SLC38A3: variants seen among roughly 807,000 people sequenced by gnomAD.
SLC38A3 encodes sodium-coupled neutral amino acid transporter 3.
In SLC38A3, 17 loss-of-function variants were observed where a neutral mutation model predicts 59.5. The ratio of observed to expected loss-of-function variants is 0.29; its 90% confidence interval spans 0.20 to 0.43. The LOEUF (loss-of-function observed/expected upper bound fraction) is 0.43. SLC38A3 is among the 20% of genes least tolerant of loss of function. The pLI, the probability that SLC38A3 is intolerant of heterozygous loss-of-function variation, is 1.00. For synonymous variants in SLC38A3, 238 were observed against 260.3 expected, an observed-to-expected ratio of 0.91 and a Z score of 0.82; for missense variants, 454 against 653.9, an observed-to-expected ratio of 0.69 and a Z score of 3.33.
rs754113580 is a variant in SLC38A3, at chr3:50,218,786, T to C, written c.1162-18T>C. On this transcript the variant is annotated intron_variant, in intron 13 of 15. Transcript: ENST00000614032. The surrounding 1 kb of genome is among the most constrained non-coding windows in gnomAD (Gnocchi z 5.8). ...GATGGGGCCAACAGGCTGATGATTC[T>C]TCTCACCTGCCCCCCAGGTGCGCCG... The C allele has an allele frequency of 1.2e-6, 2 of 1,601,128 alleles. No individual in the cohort carries two copies. Among genetic ancestry groups the C allele is most frequent in the East Asian group, 4.5e-5 (2 of 44,500 alleles).
rs868277434 is a variant in SLC38A3 at position 50,217,531 on chromosome 3, C to G, written c.690+58C>G. ...GGCAGCGGGTCTCCTGGGGGAGTTC[C>G]CTGTCATCAGGAGGGGGCAGGTGTC... On this transcript the variant is annotated intron_variant, in intron 9 of 15. Coordinates refer to ENST00000614032, the MANE Select transcript of SLC38A3 (RefSeq NM_006841.6). This position sits in a 1 kb window ranked among gnomAD's most constrained non-coding sequence, Gnocchi z 4.9. 6.3e-7 allele frequency: 1 copy of G among 1,591,322 alleles called. No homozygotes were observed. Among genetic ancestry groups the G allele is most frequent in the African/African-American group, 1.3e-5 (1 of 74,464 alleles).
At chr3:50,209,904 T>TGGC (rs1209365783) in intron 1 of SLC38A3, among the ~76,000 whole-genome samples, 1 of 152,170 alleles carries the variant, frequency 6.6e-6, no homozygotes, top group African/African-American at 2.4e-5. Flanking sequence ...AGCCCAGTGT[T>TGGC]GGCCACACAC....
Position 50,218,250 on chromosome 3 carries a change from ACC to A in SLC38A3, c.936-14_936-13del. 1 of 1,038,306 alleles carries A rather than the reference ACC, an allele frequency of 9.6e-7. No homozygotes were observed. The highest frequency in any genetic ancestry group is 1.5e-6 in the Non-Finnish European group (1 of 658,132). 64.3% of individuals were successfully genotyped at this position (1,038,306 alleles called of 1,614,324 possible). On this transcript the variant is annotated intron_variant, in intron 11 of 15. Transcript: ENST00000614032. The surrounding 1 kb of genome is among the most constrained non-coding windows in gnomAD (Gnocchi z 5.8). ...GTTACCCAGCTTGTCACCAACACCC[ACC>A]CCCCCACTTCCCCACAGCCCCTCCA...
rs1415613179 is a variant in SLC38A3 at position 50,220,969 on chromosome 3, A to T, written c.*792A>T. 1 of 152,460 alleles carries T rather than the reference A, an allele frequency of 6.6e-6. No individual in the cohort carries two copies. Among genetic ancestry groups the T allele is most frequent in the South Asian group, 2.1e-4 (1 of 4,834 alleles). The allele number at this position is 152,460 out of a possible 1,614,324, so 9.4% of individuals were successfully genotyped here. On this transcript the variant is annotated 3_prime_UTR_variant, in exon 16 of 16. Coordinates refer to ENST00000614032, the MANE Select transcript of SLC38A3 (RefSeq NM_006841.6). ...CAGCCCTCTTTTATAAATATTATAC[A>T]TAAGACCAGCTGTGTTTTCTATTCT...
intron 1 of SLC38A3, among the ~76,000 whole-genome samples, chr3:50,208,385 C>A (rs1220301627): frequency 1.3e-5 from 2 of 152,060 alleles, no homozygotes; most frequent in African/African-American, 4.8e-5. Context: ...GCCTCAGCCT[C>A]CCGAGTAGCT....
chr3:50,211,264 C>T (rs1699723134), intron 1 of SLC38A3, among the ~76,000 whole-genome samples: 1 of 152,218 alleles, frequency 6.6e-6, no homozygotes, highest in Admixed American at 6.5e-5. Flanking sequence ...CAGGGAATGG[C>T]TGGGGGCTCC....
At position 50,217,628 on chromosome 3, in the gene SLC38A3, G is replaced by T. The variant is rs771681483; in HGVS notation, c.691-48G>T. The T allele has an allele frequency of 5.0e-6, 8 of 1,607,068 alleles. No homozygotes were observed. The highest frequency in any genetic ancestry group is 1.7e-5 in the Admixed American group (1 of 58,866). ...ATGTGGCTTCATGGTGACTTCCCAG[G>T]CAGTCCAGCCTGGGAGTCTCTGACA... is the stretch of plus-strand genomic sequence containing the variant. On this transcript the variant is annotated intron_variant, in intron 9 of 15. Coordinates refer to ENST00000614032, the MANE Select transcript of SLC38A3 (RefSeq NM_006841.6). The surrounding 1 kb of genome is among the most constrained non-coding windows in gnomAD (Gnocchi z 4.9).
Position 50,218,019 on chromosome 3 carries a change from G to T in SLC38A3, c.935+23G>T. The stretch of plus-strand genomic sequence containing the variant: ...GGAGTAGGTGTCTGTGGCTGGGAGT[G>T]GGGGTGGGGATGCCCTGAGCTGGTT... On this transcript the variant is annotated intron_variant, in intron 11 of 15. Coordinates refer to ENST00000614032, the MANE Select transcript of SLC38A3 (RefSeq NM_006841.6). The surrounding 1 kb of genome is among the most constrained non-coding windows in gnomAD (Gnocchi z 5.8). The T allele has an allele frequency of 1.2e-6, 2 of 1,610,970 alleles. No individual in the cohort carries two copies.
Position 50,215,587 on chromosome 3 carries a change from CCCAGGAAAG to C in SLC38A3, c.419_427del (p.Pro140_Lys142del), listed in dbSNP as rs1699806500. 1 of 1,613,654 alleles carries C rather than the reference CCCAGGAAAG, an allele frequency of 6.2e-7. No homozygotes were observed. Among genetic ancestry groups the C allele is most frequent in the Admixed American group, 1.7e-5 (1 of 59,974 alleles). Reference sequence around the variant, plus strand: ...AGCTGGGCTACCGTGCCTTTGGGACCCCAGGAAAGCTGGCAGCAGCCCTGGCCATCACGC... The same window carrying C: ...AGCTGGGCTACCGTGCCTTTGGGACCCTGGCAGCAGCCCTGGCCATCACGC... On this transcript the variant is annotated inframe_deletion, in exon 6 of 16. Coordinates refer to ENST00000614032, the MANE Select transcript of SLC38A3 (RefSeq NM_006841.6). This position sits in a 1 kb window ranked among gnomAD's most constrained non-coding sequence, Gnocchi z 7.1.
chr3:50,219,677 G>C (rs1302421030), intron 14 of SLC38A3, among the ~76,000 whole-genome samples: 1 of 152,112 alleles, frequency 6.6e-6, no homozygotes, highest in East Asian at 1.9e-4. Context: ...ACATTCTTCT[G>C]ACACCAACAT....
Position 50,218,857 on chromosome 3 carries a change from G to C in SLC38A3, c.1215G>C (p.Leu405=). ...MLFPNQEFSW[L]RHVLIAVGLL... ...TTCCAAACCAGGAGTTCAGCTGGCTGCGGCATGTGCTTATTGCCGTTGGCC... is the reference window on the plus strand; with the variant it reads ...TTCCAAACCAGGAGTTCAGCTGGCTCCGGCATGTGCTTATTGCCGTTGGCC... Residue 405 remains leucine, a synonymous_variant, in exon 14 of 16, where the codon CTG becomes CTC. Coordinates refer to ENST00000614032, the MANE Select transcript of SLC38A3 (RefSeq NM_006841.6). The surrounding 1 kb of genome is among the most constrained non-coding windows in gnomAD (Gnocchi z 5.8). 6.2e-7 allele frequency: 1 copy of C among 1,613,348 alleles called. No homozygotes were observed. The highest frequency in any genetic ancestry group is 8.5e-7 in the Non-Finnish European group (1 of 1,179,354).
intron 1 of SLC38A3, among the ~76,000 whole-genome samples, chr3:50,212,723 G>A (rs924512346): frequency 6.6e-6 from 1 of 152,150 alleles, no homozygotes. Context: ...TGCCTCCAGG[G>A]GCACCAGGCC....
intron 7 of SLC38A3, among the ~76,000 whole-genome samples, chr3:50,216,902 A>G (rs1018979141): frequency 3.3e-5 from 5 of 152,186 alleles, no homozygotes; most frequent in Non-Finnish European, 7.3e-5. Flanking sequence ...TCTCCTGAGT[A>G]GCTGAGATTA....
chr3:50,210,491 C>A (rs1174335685), intron 1 of SLC38A3, among the ~76,000 whole-genome samples: 5 of 152,206 alleles, frequency 3.3e-5, no homozygotes, highest in Non-Finnish European at 7.3e-5. Flanking sequence ...CTACTGCCGA[C>A]CCAGACCCAC....
At chr3:50,205,510 A>G (rs1699632916) in intron 1 of SLC38A3, among the ~76,000 whole-genome samples, 162 bp downstream of exon 1, 3 of 152,252 alleles carry the variant, frequency 2.0e-5, no homozygotes. Context: ...CGCGCGCTCC[A>G]GGCGCTGGTC....
chr3:50,212,845 G>A (rs558539402), intron 1 of SLC38A3, among the ~76,000 whole-genome samples: 1 of 152,334 alleles, frequency 6.6e-6, no homozygotes, highest in South Asian at 2.1e-4. Context: ...GCCGGAGTGG[G>A]GATGGGGGGT....
rs766824971 is a variant in SLC38A3 at position 50,214,425 on chromosome 3, G to A, written c.125G>A (p.Cys42Tyr). ...AGGGTCGAGGACCCTGCACGGAGCT[G>A]TATGGAGGGCAAGAGCTTCCTACAG... ...NQRVEDPARS[C>Y]MEGKSFLQKS... is the part of the protein sequence containing the mutation. Residue 42 changes from cysteine (C) to tyrosine (Y), a missense_variant, in exon 3 of 16, where the codon TGT becomes TAT. By Grantham distance (194) the Cys-to-Tyr change is radical. This residue lies in a region of SLC38A3 where 390 missense variants were observed against 557.9 expected (regional missense o/e 0.70). Coordinates refer to ENST00000614032, the MANE Select transcript of SLC38A3 (RefSeq NM_006841.6). This position sits in a 1 kb window ranked among gnomAD's most constrained non-coding sequence, Gnocchi z 6.0. 6.3e-7 allele frequency: 1 copy of A among 1,582,552 alleles called. No individual in the cohort carries two copies. Among genetic ancestry groups the A allele is most frequent in the Non-Finnish European group, 8.6e-7 (1 of 1,164,414 alleles).
At position 50,214,849 on chromosome 3, in the gene SLC38A3, C is replaced by T. The variant is rs1699793334; in HGVS notation, c.299+81C>T. 4.5e-6 allele frequency: 4 copies of T among 897,358 alleles called. No homozygotes were observed. Among genetic ancestry groups the T allele is most frequent in the Non-Finnish European group, 7.1e-6 (4 of 562,770 alleles). 55.6% of individuals were successfully genotyped at this position (897,358 alleles called of 1,614,324 possible). ...ATGACCTCCCAGGACCCGCCAGTTCCCTGTCCCAGCATCCAGGCTGCAGTG... is the reference window on the plus strand; with the variant it reads ...ATGACCTCCCAGGACCCGCCAGTTCTCTGTCCCAGCATCCAGGCTGCAGTG... On this transcript the variant is annotated intron_variant, in intron 4 of 15. Coordinates refer to ENST00000614032, the MANE Select transcript of SLC38A3 (RefSeq NM_006841.6). This position sits in a 1 kb window ranked among gnomAD's most constrained non-coding sequence, Gnocchi z 6.0.
Position 50,217,167 on chromosome 3 carries a change from C to T in SLC38A3, c.549-71C>T. 1.0e-6 allele frequency: 1 copy of T among 974,644 alleles called. No individual in the cohort carries two copies. Among genetic ancestry groups the T allele is most frequent in the Non-Finnish European group, 1.6e-6 (1 of 619,806 alleles). The allele number at this position is 974,644 out of a possible 1,614,324, so 60.4% of individuals were successfully genotyped here. On this transcript the variant is annotated intron_variant, in intron 7 of 15. Transcript: ENST00000614032. This position sits in a 1 kb window ranked among gnomAD's most constrained non-coding sequence, Gnocchi z 4.9. ...TCAGTGGCACCATTGGTAACTCCAG[C>T]AGAGGGAGGCAGGGGCCCCATCCCA...
Sources: gnomAD v4.1 joint callset for allele counts (sites outside exome capture counted in the v4.1 genomes callset) on GRCh38, gnomAD v4.1.1 for gene constraint, gnomAD v4.1.1 regional missense constraint, Gnocchi (gnomAD v3.1) non-coding constraint, MANE v1.5 for transcripts, NCBI Gene and HGNC (gene_info 2026-07-23, HGNC 2026-07-21) for gene names.